The following RAD51B variants were observed in gnomAD, a reference collection of about 807,000 sequenced individuals.
RAD51B encodes the protein DNA repair protein RAD51 homolog 2.
A neutral mutation model predicts 42.2 loss-of-function variants in RAD51B; 38 were observed. The observed-to-expected ratio is 0.90, with a 90% CI of 0.70 to 1.18. The LOEUF is 1.18. RAD51B is among the 50% of genes most tolerant of loss of function. The pLI, the probability that RAD51B is intolerant of heterozygous loss-of-function variation, is 0.00. For synonymous variants in RAD51B, 154 were observed against 145.2 expected (o/e 1.06, Z -0.43); for missense variants, 373 against 400.7 (o/e 0.93, Z 0.59).
intron 7 of RAD51B, among the ~76,000 whole-genome samples, chr14:68,028,704 C>G (rs919411002): frequency 2.6e-4 from 39 of 152,226 alleles, no homozygotes; most frequent in African/African-American, 8.9e-4. Context: ...GCACTGCACA[C>G]ATGCTCTTGC....
chr14:68,433,433 G>T (rs149044631), intron 9 of RAD51B, among the ~76,000 whole-genome samples: 3,060 of 152,180 alleles, frequency 0.02, 37 homozygotes, highest in Middle Eastern at 0.051. Flanking sequence ...TTTCTTGGAG[G>T]CTTTGTTCAT....
At chr14:68,290,697 C>T (rs1242217452) in intron 7 of RAD51B, among the ~76,000 whole-genome samples, 1 of 152,118 alleles carries the variant, frequency 6.6e-6, no homozygotes, top group Non-Finnish European at 1.5e-5. Flanking sequence ...GAGTCAAACT[C>T]ATTCATTCCT....
chr14:68,657,890 C>T (rs1892850502), intron 11 of RAD51B, among the ~76,000 whole-genome samples: 1 of 152,222 alleles, frequency 6.6e-6, no homozygotes, highest in Non-Finnish European at 1.5e-5. Flanking sequence ...GAGGACATCT[C>T]CTGCCCTGGA....
chr14:68,354,198 T>C (rs1566828140), intron 8 of RAD51B, among the ~76,000 whole-genome samples: 1 of 146,668 alleles, frequency 6.8e-6, no homozygotes, highest in Non-Finnish European at 1.5e-5. Context: ...ATAATGTTTT[T>C]TGGTTTTTGG....
intron 7 of RAD51B, among the ~76,000 whole-genome samples, chr14:68,128,505 A>T (rs192448118): frequency 3.0e-4 from 45 of 152,308 alleles, no homozygotes; most frequent in Middle Eastern, 3.4e-3. Flanking sequence ...AGCCTGGCCA[A>T]CATGGTGAAA....
intron 10 of RAD51B, among the ~76,000 whole-genome samples, chr14:68,634,857 G>A (rs976359105): frequency 6.6e-6 from 1 of 152,180 alleles, no homozygotes; most frequent in African/African-American, 2.4e-5. Flanking sequence ...GAGTATGAGG[G>A]AGGAGGAAAA....
At chr14:68,342,329 G>A (rs1390730389) in intron 8 of RAD51B, among the ~76,000 whole-genome samples, 1 of 152,170 alleles carries the variant, frequency 6.6e-6, no homozygotes, top group South Asian at 2.1e-4. Context: ...GAAAGTCTTT[G>A]TTCTCTAGGA....
At chr14:68,637,538 G>C (rs1287260923) in intron 10 of RAD51B, among the ~76,000 whole-genome samples, 4 of 152,188 alleles carry the variant, frequency 2.6e-5, no homozygotes, top group Non-Finnish European at 4.4e-5. Flanking sequence ...GATTCCCCTA[G>C]TAATGGGGAG....
intron 10 of RAD51B, among the ~76,000 whole-genome samples, chr14:68,610,657 C>T (rs1038619746): frequency 2.6e-5 from 4 of 152,236 alleles, no homozygotes; most frequent in African/African-American, 9.6e-5. Flanking sequence ...CTTCTGGTCC[C>T]TCTTTTTGTT....
At chr14:68,196,336 A>G (rs1300886248) in intron 7 of RAD51B, among the ~76,000 whole-genome samples, 1 of 152,170 alleles carries the variant, frequency 6.6e-6, no homozygotes, top group Non-Finnish European at 1.5e-5. Context: ...TGATAGGTTT[A>G]TATTATTTCC....
intron 8 of RAD51B, among the ~76,000 whole-genome samples, chr14:68,327,028 G>GTGAC (rs1358538386): frequency 6.6e-6 from 1 of 152,152 alleles, no homozygotes; most frequent in African/African-American, 2.4e-5. Flanking sequence ...TCCTGTTGAT[G>GTGAC]TGACACACAC....
intron 7 of RAD51B, among the ~76,000 whole-genome samples, chr14:68,005,455 C>G (rs567868675): frequency 5.9e-5 from 9 of 152,232 alleles, no homozygotes; most frequent in Admixed American, 5.2e-4. Flanking sequence ...TTCTTTCAAC[C>G]TAGGAGTTGA....
intron 10 of RAD51B, among the ~76,000 whole-genome samples, chr14:68,496,184 G>A (rs753272949): frequency 6.6e-6 from 1 of 152,176 alleles, no homozygotes; most frequent in Non-Finnish European, 1.5e-5. Context: ...GTAAAAGGGG[G>A]CTACTGACAG....
At chr14:68,337,123 G>A (rs1277013354) in intron 8 of RAD51B, among the ~76,000 whole-genome samples, 10 of 151,992 alleles carry the variant, frequency 6.6e-5, no homozygotes, top group African/African-American at 2.4e-4. Flanking sequence ...TCAACTTTTG[G>A]ACTCAATTTC....
intron 4 of RAD51B, among the ~76,000 whole-genome samples, chr14:67,850,708 C>T (rs1289724097): frequency 6.6e-6 from 1 of 152,130 alleles, no homozygotes; most frequent in Non-Finnish European, 1.5e-5. Flanking sequence ...TCCACAAATA[C>T]CCCTATGTCA....
At chr14:67,825,362 A>G (rs78457056) in intron 2 of RAD51B, 102 bp from the exon 3 acceptor site, 6 of 687,938 alleles carry the variant, frequency 8.7e-6, no homozygotes, top group South Asian at 2.2e-5. Context: ...GCGATAAATT[A>G]TACTTTTGTC....
intron 7 of RAD51B, among the ~76,000 whole-genome samples, chr14:68,066,889 T>C (rs1395005011): frequency 6.6e-6 from 1 of 152,224 alleles, no homozygotes; most frequent in Non-Finnish European, 1.5e-5. Context: ...GAGGTCATAT[T>C]TGATGTGAAA....
At chr14:68,137,562 T>G (rs762092044) in intron 7 of RAD51B, among the ~76,000 whole-genome samples, 1 of 152,198 alleles carries the variant, frequency 6.6e-6, no homozygotes, top group Non-Finnish European at 1.5e-5. Flanking sequence ...CGAAATCTTA[T>G]GTTGAACATT....
intron 7 of RAD51B, among the ~76,000 whole-genome samples, chr14:68,215,258 A>G (rs111547202): frequency 3.3e-5 from 5 of 152,292 alleles, no homozygotes; most frequent in East Asian, 1.9e-4. Context: ...TCATATAACT[A>G]TCTTAATATT....
Sources: allele counts gnomAD v4.1 joint callset (sites outside exome capture counted in the v4.1 genomes callset), GRCh38; gene constraint gnomAD v4.1.1; transcripts MANE v1.5; gene names NCBI Gene and HGNC (gene_info 2026-07-23, HGNC 2026-07-21).